PRDM2: variants seen among roughly 807,000 people sequenced by gnomAD.
The protein encoded by PRDM2 is PR/SET domain 2.
In PRDM2, 30 loss-of-function variants were observed where a neutral mutation model predicts 130.0. That is an observed-to-expected ratio of 0.23 (90% CI 0.17 to 0.31). The LOEUF is 0.31. Among genes scored for constraint, PRDM2 ranks in the 10% least tolerant of loss-of-function variants. The probability of loss-of-function intolerance (pLI) is 1.00; values close to 1 mark genes in which losing one functional copy is unlikely to be tolerated. For synonymous variants in PRDM2, 871 were observed against 782.4 expected, an observed-to-expected ratio of 1.11 and a Z score of -1.89; for missense variants, 2,011 against 2,108.4, an observed-to-expected ratio of 0.95 and a Z score of 0.90.
In PRDM2 at chr1:13,765,621, C is replaced by T. The variant is rs760301066; in HGVS notation, c.512-7457C>T. ...GCTGGAATTACAGGCGCGGTGGTAC[C>T]GCGCCTGGCTAATTTTTGTATTTTT... On this transcript the variant is annotated intron_variant, in intron 6 of 9. Coordinates refer to ENST00000311066, the MANE Select transcript of PRDM2 (RefSeq NM_001393986.1). Among the ~76,000 whole-genome samples the T allele has an allele frequency of 8.6e-5, 13 of 152,020 alleles. No individual in the cohort carries two copies. In the East Asian group the frequency reaches 1.6e-3, roughly 18 times the overall value.
intron 4 of PRDM2, among the ~76,000 whole-genome samples, chr1:13,734,829 TTAAAA>T (rs1259396478): frequency 6.6e-6 from 1 of 152,184 alleles, no homozygotes; most frequent in South Asian, 2.1e-4. Flanking sequence ...TTTTGCTCTG[TTAAAA>T]TAAAAGTGAA....
rs34775135 is a variant in PRDM2, at chr1:13,746,528, T to TTTTATTTA, written c.385-2797_385-2790dup. On this transcript the variant is annotated intron_variant, in intron 5 of 9. Transcript: ENST00000311066. ...TTTTGTTTTGTTTTCTACTACTTGT[T>TTTTATTTA]TTTATTTATTTATTTATTTATTTAT... 8.5e-3 allele frequency among the ~76,000 whole-genome samples: 1,241 copies of TTTTATTTA among 146,514 alleles called. 5 individuals carry two copies. The highest frequency in any genetic ancestry group is 0.017 in the South Asian group (78 of 4,608).
chr1:13,776,156 G>A (rs1038384309), intron 7 of PRDM2, among the ~76,000 whole-genome samples: 8 of 151,896 alleles, frequency 5.3e-5, no homozygotes, highest in African/African-American at 1.5e-4. Context: ...CTACAGTTTC[G>A]TTGCCTTCCT....
rs1644457674 is a variant in PRDM2, at chr1:13,775,558, A to C, written c.622+2370A>C. 2.0e-5 allele frequency among the ~76,000 whole-genome samples: 3 copies of C among 152,240 alleles called. No homozygotes were observed. The South Asian group carries it at 6.2e-4, about 32-fold the overall frequency. The stretch of plus-strand genomic sequence containing the variant: ...GAAGGCTGTTTCTGTTTGGAAACAG[A>C]AACCTCATTGCTAGTAAATGGAGTA... On this transcript the variant is annotated intron_variant, in intron 7 of 9. Transcript: ENST00000311066.
At chr1:13,748,275 T>A (rs1643677593) in intron 5 of PRDM2, among the ~76,000 whole-genome samples, 1 of 152,224 alleles carries the variant, frequency 6.6e-6, no homozygotes. Flanking sequence ...TCCTCAAACT[T>A]TTACCTACTT....
At position 13,780,093 on chromosome 1, in the gene PRDM2, C is replaced by T. The variant is rs202178233; in HGVS notation, c.2298C>T (p.Ala766=). The T allele has an allele frequency of 6.6e-5, 107 of 1,612,970 alleles. No individual in the cohort carries two copies. Among genetic ancestry groups the T allele is most frequent in the East Asian group, 1.3e-4 (6 of 44,862 alleles). The change falls in exon 8 of 10, where the codon GCC becomes GCT. Residue 766 remains alanine, a synonymous_variant. Coordinates refer to ENST00000311066, the MANE Select transcript of PRDM2 (RefSeq NM_001393986.1). Reference sequence around the variant, plus strand: ...ATGGGAAAGCAGCATGGACCGATGCCGGGCTGACTTCCAAAAAATCCAAAT... The same window carrying T: ...ATGGGAAAGCAGCATGGACCGATGCTGGGCTGACTTCCAAAAAATCCAAAT... ...PSDGKAAWTD[A]GLTSKKSKLE...
At chr1:13,701,281 A>G (rs1373422199) in intron 1 of PRDM2, among the ~76,000 whole-genome samples, 2 of 152,200 alleles carry the variant, frequency 1.3e-5, no homozygotes, top group Non-Finnish European at 2.9e-5. Flanking sequence ...AGACACTAGA[A>G]GAATCATTTT....
intron 8 of PRDM2, among the ~76,000 whole-genome samples, chr1:13,813,188 A>C (rs2245213): frequency 0.86 from 130,810 of 152,176 alleles, 56,571 homozygotes; most frequent in African/African-American, 0.95. Flanking sequence ...GGTCTTCCCG[A>C]TTTGCAGAAG....
rs1644977547 is a variant in PRDM2 at position 13,799,669 on chromosome 1, C to A, written c.5037-16758C>A. On this transcript the variant is annotated intron_variant, in intron 8 of 9. Coordinates refer to ENST00000311066, the MANE Select transcript of PRDM2 (RefSeq NM_001393986.1). ...GCTCATAGGGAGAGTCCGTGTGCTT[C>A]CATTCCCAGCAGCCAAGTTAAATGC... Among the ~76,000 whole-genome samples, 3 of 152,190 alleles carry A rather than the reference C, an allele frequency of 2.0e-5. No homozygotes were observed. In the South Asian group the frequency reaches 6.2e-4, roughly 31 times the overall value.
chr1:13,775,063 CTG>C (rs1380756442), intron 7 of PRDM2, among the ~76,000 whole-genome samples: 2 of 152,122 alleles, frequency 1.3e-5, no homozygotes, highest in East Asian at 3.9e-4. Flanking sequence ...GCTGAATGTT[CTG>C]CGTTGTCCTC....
intron 8 of PRDM2, among the ~76,000 whole-genome samples, chr1:13,805,082 T>C (rs1645067083): frequency 6.6e-6 from 1 of 152,156 alleles, no homozygotes; most frequent in East Asian, 1.9e-4. Context: ...AGAACCCTCC[T>C]CTGTAAAACC....
chr1:13,732,813 A>G lies in PRDM2; in HGVS notation c.162A>G (p.Lys54=). The change falls in exon 4 of 10, where the codon AAA becomes AAG. Residue 54 remains lysine (K), a synonymous_variant. Transcript: ENST00000311066. ...CCACTAAACCAATTTTAAAAGGCAA[A>G]AAATTTGGGCCATTTGTTGGTGATA... ...VWATKPILKG[K]KFGPFVGDKK... 1 of 1,609,522 alleles carries G rather than the reference A, an allele frequency of 6.2e-7. No homozygotes were observed. The highest frequency in any genetic ancestry group is 8.5e-7 in the Non-Finnish European group (1 of 1,178,152).
intron 6 of PRDM2, among the ~76,000 whole-genome samples, chr1:13,752,111 A>G (rs1643863506): frequency 6.6e-6 from 1 of 152,212 alleles, no homozygotes; most frequent in Non-Finnish European, 1.5e-5. Flanking sequence ...ACGTTAAATC[A>G]GTAAATAGCT....
intron 8 of PRDM2, among the ~76,000 whole-genome samples, chr1:13,793,343 C>T (rs1222463012): frequency 6.6e-6 from 1 of 152,208 alleles, no homozygotes; most frequent in African/African-American, 2.4e-5. Flanking sequence ...ACGCTTAATC[C>T]GCGTCAGGTG....
At chr1:13,786,253 A>G (rs1445388820) in intron 8 of PRDM2, among the ~76,000 whole-genome samples, 1 of 142,348 alleles carries the variant, frequency 7.0e-6, no homozygotes, top group African/African-American at 2.5e-5. Flanking sequence ...AAGTTTTTCC[A>G]TTTACCAGGA....
At chr1:13,729,161 A>G (rs1643020696) in intron 2 of PRDM2, among the ~76,000 whole-genome samples, 2 of 152,154 alleles carry the variant, frequency 1.3e-5, no homozygotes, top group South Asian at 2.1e-4. Context: ...AGTACATTCT[A>G]CCCAGCATGT....
rs772274305 is a variant in PRDM2 at position 13,773,100 on chromosome 1, T to G, written c.534T>G (p.Asn178Lys). 1 of 1,539,752 alleles carries G rather than the reference T, an allele frequency of 6.5e-7. No homozygotes were observed. The highest frequency in any genetic ancestry group is 8.7e-7 in the Non-Finnish European group (1 of 1,148,332). Residue 178 changes from asparagine to lysine, a missense_variant, in exon 7 of 10, where the codon AAT becomes AAG. This residue lies in a region of PRDM2 where 1,288 missense variants were observed against 1,237.7 expected (regional missense o/e 1.04). Coordinates refer to ENST00000311066, the MANE Select transcript of PRDM2 (RefSeq NM_001393986.1). ...SRKGKKKSQE[N>K]KNKGNKIQDI... The stretch of plus-strand genomic sequence containing the variant: ...CAGGGAAGAAAAAATCCCAGGAAAA[T>G]AAAAACAAAGGAAACAAAATCCAAG...
chr1:13,821,430 A>ATATT (rs1557682356), intron 9 of PRDM2, among the ~76,000 whole-genome samples: 14 of 142,284 alleles, frequency 9.8e-5, no homozygotes, highest in East Asian at 8.1e-4. Context: ...AATGCAGTGA[A>ATATT]CATTTATTTA....
chr1:13,718,899 T>A (rs6429794), intron 2 of PRDM2, among the ~76,000 whole-genome samples: 11 of 151,920 alleles, frequency 7.2e-5, no homozygotes, highest in Non-Finnish European at 1.3e-4. Context: ...TGGCTTTATC[T>A]CAGGAATGGT....
Sources: gnomAD v4.1 joint callset for allele counts (sites outside exome capture counted in the v4.1 genomes callset) on GRCh38, gnomAD v4.1.1 for gene constraint, gnomAD v4.1.1 regional missense constraint, MANE v1.5 for transcripts, NCBI Gene and HGNC (gene_info 2026-07-23, HGNC 2026-07-21) for gene names.